Variants in LRRC4C observed in about 807,000 individuals in gnomAD.
LRRC4C encodes leucine rich repeat containing 4C.
In LRRC4C, 5 loss-of-function variants were observed where a neutral mutation model predicts 33.6. The ratio of observed to expected loss-of-function variants is 0.15; its 90% CI spans 0.08 to 0.31. The LOEUF (loss-of-function observed/expected upper bound fraction) is 0.31. Ranked by LOEUF, LRRC4C falls within the 10% of genes least tolerant of loss-of-function variation. The probability of loss-of-function intolerance (pLI) is 1.00; values close to 1 mark genes in which losing one functional copy is unlikely to be tolerated. For synonymous variants in LRRC4C, 329 were observed against 302.0 expected (o/e 1.09, Z -0.93); for missense variants, 560 against 796.7 (o/e 0.70, Z 3.58).
At chr11:41,196,805 T>A (rs1251993342) in intron 1 of LRRC4C, among the ~76,000 whole-genome samples, 1 of 151,958 alleles carries the variant, frequency 6.6e-6, no homozygotes, top group Non-Finnish European at 1.5e-5. Context: ...TTCTTTCAGG[T>A]CAGCTTCACC....
At chr11:40,161,714 G>T (rs1188136894) in intron 5 of LRRC4C, among the ~76,000 whole-genome samples, 1 of 152,074 alleles carries the variant, frequency 6.6e-6, no homozygotes, top group Non-Finnish European at 1.5e-5. Flanking sequence ...CCGAGATCGC[G>T]CCACTGCACT....
rs562187887 is a variant in LRRC4C at position 41,240,176 on chromosome 11, T to C, written c.-496+219255A>G. Among the ~76,000 whole-genome samples, 6 of 152,346 alleles carry C rather than the reference T, an allele frequency of 3.9e-5. 1 individual carries two copies. The South Asian group carries it at 1.2e-3, about 32-fold the overall frequency. On this transcript the variant is annotated intron_variant, in intron 1 of 6. Transcript: ENST00000528697. ...AACAAAAAGGGAAAATGGAAAACTT[T>C]AGATTTTTTGTGTATCATGAGATTT...
chr11:41,213,839 C>T (rs1031728244), intron 1 of LRRC4C, among the ~76,000 whole-genome samples: 26 of 152,174 alleles, frequency 1.7e-4, no homozygotes, highest in African/African-American at 6.0e-4. Context: ...AAAACTGGAA[C>T]AATCACACAT....
rs1957975472 is a variant in LRRC4C, at chr11:40,937,865, C to A, written c.-495-4142G>T. On this transcript the variant is annotated intron_variant, in intron 1 of 6. Transcript: ENST00000528697. Reference sequence around the variant, plus strand: ...TAGAGACAGGGTCTCCCATGTTTCCCAGGCTTGTCTTGAACTCATGTGTTC... The same window carrying A: ...TAGAGACAGGGTCTCCCATGTTTCCAAGGCTTGTCTTGAACTCATGTGTTC... Among the ~76,000 whole-genome samples the A allele has an allele frequency of 2.6e-5, 4 of 152,000 alleles. 1 individual carries two copies. Among genetic ancestry groups the A allele is most frequent in the Admixed American group, 2.6e-4 (4 of 15,244 alleles).
At chr11:40,325,146 G>A (rs1418226267) in intron 3 of LRRC4C, among the ~76,000 whole-genome samples, 1 of 152,164 alleles carries the variant, frequency 6.6e-6, no homozygotes, top group East Asian at 1.9e-4. Flanking sequence ...ATGAGAAAGA[G>A]CCAGACATGT....
intron 5 of LRRC4C, among the ~76,000 whole-genome samples, chr11:40,161,131 G>GA: frequency 6.6e-6 from 1 of 152,184 alleles, no homozygotes; most frequent in Non-Finnish European, 1.5e-5. Flanking sequence ...TTTAGTAGGA[G>GA]AAAAAAATGA....
At chr11:41,306,779 C>T (rs560085915) in intron 1 of LRRC4C, among the ~76,000 whole-genome samples, 1 of 152,304 alleles carries the variant, frequency 6.6e-6, no homozygotes, top group East Asian at 1.9e-4. Flanking sequence ...GGCTCAGAAA[C>T]ACTCCTGTTT....
chr11:40,488,149 G>A (rs1241345727), intron 3 of LRRC4C, among the ~76,000 whole-genome samples: 1 of 152,036 alleles, frequency 6.6e-6, no homozygotes, highest in East Asian at 1.9e-4. Context: ...TCTCAGAGAT[G>A]GGAACATATA....
rs1353003058 is a variant in LRRC4C at position 41,303,878 on chromosome 11, C to T, written c.-496+155553G>A. Among the ~76,000 whole-genome samples the T allele has an allele frequency of 1.3e-4, 8 of 60,550 alleles. No individual in the cohort carries two copies. In the East Asian group the frequency reaches 7.3e-3, roughly 55 times the overall value. 39.7% of individuals were successfully genotyped at this position (60,550 alleles called of 152,430 possible). On this transcript the variant is annotated intron_variant, in intron 1 of 6. Transcript: ENST00000528697. ...ATCACCCCGTCTGAGAAGTGAGGAG[C>T]CCCTCCGCCCAGCAGCTGCCCGGTC...
At chr11:41,159,193 A>C (rs2136013150) in intron 1 of LRRC4C, among the ~76,000 whole-genome samples, 1 of 152,262 alleles carries the variant, frequency 6.6e-6, no homozygotes, top group African/African-American at 2.4e-5. Context: ...GTGAGGCTAA[A>C]TGTAGGAAGA....
chr11:41,269,390 T>A (rs10742581), intron 1 of LRRC4C, among the ~76,000 whole-genome samples: 66,825 of 151,338 alleles, frequency 0.44, 16,313 homozygotes, highest in African/African-American at 0.63. Context: ...AGACTGAGAG[T>A]TCAAGCCACA....
At chr11:41,215,468 A>G (rs891531578) in intron 1 of LRRC4C, among the ~76,000 whole-genome samples, 1 of 147,612 alleles carries the variant, frequency 6.8e-6, no homozygotes, top group East Asian at 2.0e-4. Context: ...AGCCTGGGTG[A>G]CAGAGTGCAA....
intron 2 of LRRC4C, among the ~76,000 whole-genome samples, chr11:40,896,044 T>C (rs988417534): frequency 2.0e-5 from 3 of 152,210 alleles, no homozygotes; most frequent in African/African-American, 7.2e-5. Flanking sequence ...TAGATAAGGC[T>C]TATATACACA....
At chr11:40,226,899 A>G (rs1291050762) in intron 5 of LRRC4C, among the ~76,000 whole-genome samples, 1 of 152,224 alleles carries the variant, frequency 6.6e-6, no homozygotes. Flanking sequence ...TAGACTAGGG[A>G]ATTGGCAGTT....
intron 1 of LRRC4C, among the ~76,000 whole-genome samples, chr11:41,455,224 G>T (rs191740721): frequency 6.6e-6 from 1 of 152,138 alleles, no homozygotes; most frequent in East Asian, 1.9e-4. Flanking sequence ...ATTCCCAAGT[G>T]TAACTCAAAT....
intron 2 of LRRC4C, among the ~76,000 whole-genome samples, chr11:40,796,873 C>A (rs1950854232): frequency 6.6e-6 from 1 of 151,990 alleles, no homozygotes; most frequent in South Asian, 2.1e-4. Flanking sequence ...TCTTGAACAC[C>A]TGACCTTAAG....
intron 1 of LRRC4C, among the ~76,000 whole-genome samples, chr11:40,990,255 A>G (rs999068890): frequency 7.1e-6 from 1 of 140,630 alleles, no homozygotes; most frequent in African/African-American, 2.6e-5. Context: ...ATATATATAT[A>G]TATATATATA....
intron 2 of LRRC4C, among the ~76,000 whole-genome samples, chr11:40,921,300 T>C (rs949587713): frequency 1.3e-5 from 2 of 152,094 alleles, no homozygotes; most frequent in African/African-American, 2.4e-5. Flanking sequence ...AAGGATAAAT[T>C]TGAAACAGAA....
chr11:40,220,664 AATTCATTTTTTT>A (rs1864337313), intron 5 of LRRC4C, among the ~76,000 whole-genome samples: 1 of 152,150 alleles, frequency 6.6e-6, no homozygotes, highest in African/African-American at 2.4e-5. Flanking sequence ...AGAGCTAATA[AATTCATTTTTTT>A]AACTTTTGAA....
Sources: allele counts gnomAD v4.1 joint callset (sites outside exome capture counted in the v4.1 genomes callset), GRCh38; gene constraint gnomAD v4.1.1; transcripts MANE v1.5; gene names NCBI Gene and HGNC (gene_info 2026-07-23, HGNC 2026-07-21).